The following AATF variants were observed in gnomAD, a reference collection of about 807,000 sequenced individuals.
AATF encodes the protein protein AATF.
A neutral mutation model predicts 63.7 loss-of-function variants in AATF; 48 were observed. That is an observed-to-expected ratio of 0.75 (90% CI 0.60 to 0.96). The LOEUF is 0.96. AATF is among the 40% of genes least tolerant of loss of function. The pLI is 0.00. For synonymous variants in AATF, 258 were observed against 247.7 expected, an observed-to-expected ratio of 1.04 and a Z score of -0.39; for missense variants, 639 against 685.7, an observed-to-expected ratio of 0.93 and a Z score of 0.76.
intron 11 of AATF, among the ~76,000 whole-genome samples, chr17:37,042,578 CTT>C (rs746570954): frequency 1.9e-4 from 25 of 131,720 alleles, no homozygotes; most frequent in Admixed American, 3.1e-4. Flanking sequence ...CCACACCCAG[CTT>C]TTTTTTTTTT....
chr17:37,034,741 T>C (rs912198072), intron 11 of AATF: 8 of 152,190 alleles, frequency 5.3e-5, no homozygotes, highest in African/African-American at 1.7e-4. Context: ...GCAGATGACA[T>C]ATTTTTCTAC....
At chr17:37,020,371 A>G (rs1255983702) in intron 9 of AATF, among the ~76,000 whole-genome samples, 6 of 152,120 alleles carry the variant, frequency 3.9e-5, no homozygotes, top group African/African-American at 1.2e-4. Flanking sequence ...TTGTATAGCA[A>G]CACGTACTGA....
At chr17:36,974,680 A>G (rs978609818) in intron 4 of AATF, among the ~76,000 whole-genome samples, 2 of 152,164 alleles carry the variant, frequency 1.3e-5, no homozygotes, top group African/African-American at 4.8e-5. Flanking sequence ...CACTTTGACA[A>G]GTGGTATCTG....
intron 4 of AATF, among the ~76,000 whole-genome samples, chr17:36,974,996 G>C (rs1177566665): frequency 6.6e-6 from 1 of 152,098 alleles, no homozygotes; most frequent in Non-Finnish European, 1.5e-5. Context: ...AGTAAAACTT[G>C]TTTGTTGTGA....
chr17:37,036,434 G>A (rs1440974094), intron 11 of AATF, among the ~76,000 whole-genome samples: 1 of 152,030 alleles, frequency 6.6e-6, no homozygotes, highest in Non-Finnish European at 1.5e-5. Context: ...ATATTATCCT[G>A]GTGGTATATC....
intron 10 of AATF, among the ~76,000 whole-genome samples, chr17:37,025,451 G>A (rs1567988327): frequency 6.6e-6 from 1 of 152,196 alleles, no homozygotes; most frequent in African/African-American, 2.4e-5. Flanking sequence ...GTGAGCTAGA[G>A]TAAGAGGAGC....
At chr17:37,028,952 A>AATATAT (rs146684070) in intron 10 of AATF, among the ~76,000 whole-genome samples, 2 of 151,172 alleles carry the variant, frequency 1.3e-5, no homozygotes, top group South Asian at 2.1e-4. Flanking sequence ...AAATTGTGTG[A>AATATAT]ATATATATAT....
At chr17:37,053,747 T>C (rs1451025169) in intron 11 of AATF, among the ~76,000 whole-genome samples, 1 of 151,988 alleles carries the variant, frequency 6.6e-6, no homozygotes, top group African/African-American at 2.4e-5. Context: ...GCACCTGCAG[T>C]CCCAATTACT....
intron 4 of AATF, among the ~76,000 whole-genome samples, chr17:36,962,325 A>G (rs1258051162): frequency 1.3e-5 from 2 of 152,226 alleles, no homozygotes; most frequent in African/African-American, 4.8e-5. Context: ...TAGAGAGTAA[A>G]GCTGGATCAC....
At chr17:36,985,124 TCTC>T in intron 4 of AATF, among the ~76,000 whole-genome samples, 1 of 151,844 alleles carries the variant, frequency 6.6e-6, no homozygotes, top group Admixed American at 6.6e-5. Flanking sequence ...CTGGTCTCGA[TCTC>T]CTGACCTTAG....
intron 4 of AATF, among the ~76,000 whole-genome samples, chr17:36,966,929 A>G (rs1319383643): frequency 2.0e-5 from 3 of 152,206 alleles, no homozygotes. Flanking sequence ...CAATACCTAT[A>G]TACAATTTAA....
chr17:37,003,236 T>G (rs956939353), intron 8 of AATF, among the ~76,000 whole-genome samples: 2 of 152,096 alleles, frequency 1.3e-5, no homozygotes, highest in African/African-American at 4.8e-5. Flanking sequence ...ACAAATGGTG[T>G]TGGAGCAACT....
intron 4 of AATF, among the ~76,000 whole-genome samples, chr17:36,976,670 A>C (rs1344267480): frequency 6.6e-6 from 1 of 152,158 alleles, no homozygotes; most frequent in Non-Finnish European, 1.5e-5. Flanking sequence ...TTCTGCTCTC[A>C]AGGAGCTCAT....
chr17:36,958,869 G>A (rs778233804), intron 4 of AATF, among the ~76,000 whole-genome samples: 33 of 152,196 alleles, frequency 2.2e-4, no homozygotes, highest in Non-Finnish European at 1.5e-4. Context: ...AACTGGCCTG[G>A]TGTGGTGGCT....
intron 4 of AATF, among the ~76,000 whole-genome samples, chr17:36,966,800 C>T (rs2070995164): frequency 6.6e-6 from 1 of 151,834 alleles, no homozygotes; most frequent in Non-Finnish European, 1.5e-5. Flanking sequence ...TGGGGTTGCC[C>T]ACCATGTTGC....
intron 4 of AATF, among the ~76,000 whole-genome samples, chr17:36,955,929 A>AT (rs1317716566): frequency 1.3e-5 from 2 of 151,814 alleles, no homozygotes; most frequent in Non-Finnish European, 2.9e-5. Context: ...TGCCCGACTA[A>AT]TTTTTTCTTT....
chr17:36,954,032 T>G, intron 4 of AATF, 125 bp downstream of exon 4: 5 of 792,436 alleles, frequency 6.3e-6, no homozygotes, highest in East Asian at 3.4e-5. Flanking sequence ...GCCCTTGCTC[T>G]CCCCTCCCCA....
At chr17:37,037,024 T>G (rs2071598590) in intron 11 of AATF, among the ~76,000 whole-genome samples, 1 of 151,456 alleles carries the variant, frequency 6.6e-6, no homozygotes, top group Non-Finnish European at 1.5e-5. Flanking sequence ...TTTTTTTTTT[T>G]TTGAGACAGA....
chr17:37,005,680 A>G (rs1277642159), intron 8 of AATF, among the ~76,000 whole-genome samples: 2 of 152,196 alleles, frequency 1.3e-5, no homozygotes, highest in African/African-American at 4.8e-5. Flanking sequence ...ATCTGAGAGG[A>G]TCTAAAACCC....
Sources: allele counts gnomAD v4.1 joint callset (sites outside exome capture counted in the v4.1 genomes callset), GRCh38; gene constraint gnomAD v4.1.1; transcripts MANE v1.5; gene names NCBI Gene and HGNC (gene_info 2026-07-23, HGNC 2026-07-21).